NAV3: variants seen among roughly 807,000 people sequenced by gnomAD.
The protein encoded by NAV3 is pore membrane and/or filament interacting like protein 1.
Under a neutral mutation model 244.7 loss-of-function variants are expected in NAV3, and 87 were observed. The ratio of observed to expected loss-of-function variants is 0.36; its 90% CI spans 0.30 to 0.42. The LOEUF (loss-of-function observed/expected upper bound fraction) is 0.42. Ranked by LOEUF, NAV3 falls within the 20% of genes least tolerant of loss-of-function variation. NAV3 has a pLI of 1.00. For missense variants in NAV3, 2,663 were observed against 2,893.3 expected (o/e 0.92, Z 1.83); for synonymous variants, 1,126 against 1,042.2 (o/e 1.08, Z -1.55).
chr12:77,768,176 C>T (rs1480983488), intron 2 of NAV3, among the ~76,000 whole-genome samples: 1 of 152,128 alleles, frequency 6.6e-6, no homozygotes, highest in East Asian at 1.9e-4. Flanking sequence ...GAAGGAAGTA[C>T]ATGCTGATTT....
chr12:77,896,324 A>C (rs1884629526), intron 1 of NAV3, among the ~76,000 whole-genome samples: 1 of 152,216 alleles, frequency 6.6e-6, no homozygotes, highest in South Asian at 2.1e-4. Flanking sequence ...AAAGGATCCC[A>C]AACTAGGGCT....
chr12:77,831,496 AGCCAG>A lies in NAV3; in HGVS notation c.36_40del (p.Gln12HisfsTer33). The A allele has an allele frequency of 6.2e-7, 1 of 1,611,030 alleles. No homozygotes were observed. The highest frequency in any genetic ancestry group is 1.1e-5 in the South Asian group (1 of 90,138). On this transcript the variant is annotated frameshift_variant, in exon 1 of 40. Transcript: ENST00000397909. LOFTEE classifies it high-confidence loss of function. ...CTTGGGGTTGCCTCAAAACTGAGGC[AGCCAG>A]CTGTTGGGTCAAAGCCTGTGCATAC...
intron 12 of NAV3, among the ~76,000 whole-genome samples, chr12:78,115,749 A>G (rs1427167000): frequency 6.6e-6 from 1 of 152,142 alleles, no homozygotes. Context: ...TGCCTGCAGT[A>G]TTCAGTACAG....
At chr12:77,771,672 C>T (rs1870094961) in intron 2 of NAV3, among the ~76,000 whole-genome samples, 1 of 151,886 alleles carries the variant, frequency 6.6e-6, no homozygotes, top group African/African-American at 2.4e-5. Context: ...GACAAAAAAC[C>T]AAACACTGCA....
intron 2 of NAV3, among the ~76,000 whole-genome samples, chr12:77,638,844 G>C (rs1872269256): frequency 6.6e-6 from 1 of 152,084 alleles, no homozygotes; most frequent in South Asian, 2.1e-4. Context: ...CTATTAGAAT[G>C]GAACTATTTG....
chr12:77,611,681 T>C (rs1870920743), intron 2 of NAV3, among the ~76,000 whole-genome samples: 1 of 151,958 alleles, frequency 6.6e-6, no homozygotes, highest in Non-Finnish European at 1.5e-5. Context: ...ATGCTATATA[T>C]ATATAACACA....
At position 78,082,317 on chromosome 12, in the gene NAV3, A is replaced by G. The variant is rs149409479; in HGVS notation, c.2636+23202A>G. ...ACATGGCTTAAGGGCACGTATTAATACACAGGCATATGCATTATATTTTCA... is the reference window on the plus strand; with the variant it reads ...ACATGGCTTAAGGGCACGTATTAATGCACAGGCATATGCATTATATTTTCA... On this transcript the variant is annotated intron_variant, in intron 12 of 39. Transcript: ENST00000397909. Among the ~76,000 whole-genome samples the G allele has an allele frequency of 3.9e-5, 6 of 152,336 alleles. No homozygotes were observed. In the East Asian group the frequency reaches 9.6e-4, roughly 24 times the overall value.
chr12:77,760,436 A>G (rs1307788270), intron 2 of NAV3, among the ~76,000 whole-genome samples: 1 of 152,202 alleles, frequency 6.6e-6, no homozygotes, highest in East Asian at 1.9e-4. Flanking sequence ...AAGCTGCATT[A>G]GCATCTCTAA....
At chr12:78,176,835 A>G (rs1427148027) in intron 26 of NAV3, among the ~76,000 whole-genome samples, 2 of 152,132 alleles carry the variant, frequency 1.3e-5, no homozygotes, top group Non-Finnish European at 2.9e-5. Flanking sequence ...AGAGAGAAGC[A>G]TTGGGAATGG....
intron 2 of NAV3, among the ~76,000 whole-genome samples, chr12:77,736,424 G>C (rs1337172995): frequency 6.6e-6 from 1 of 152,160 alleles, no homozygotes; most frequent in African/African-American, 2.4e-5. Context: ...TCTTATGTCG[G>C]TCTTGCTGGT....
At chr12:77,657,690 T>C (rs1276086787) in intron 2 of NAV3, among the ~76,000 whole-genome samples, 1 of 152,186 alleles carries the variant, frequency 6.6e-6, no homozygotes, top group African/African-American at 2.4e-5. Flanking sequence ...TTGATGAACA[T>C]TGATGCAAAA....
chr12:77,684,368 T>C (rs1007816106), intron 2 of NAV3, among the ~76,000 whole-genome samples: 1 of 152,174 alleles, frequency 6.6e-6, no homozygotes, highest in Non-Finnish European at 1.5e-5. Flanking sequence ...TGCCTCTTTC[T>C]TCATTTCTCT....
At chr12:77,635,572 T>G (rs1216846433) in intron 2 of NAV3, among the ~76,000 whole-genome samples, 1 of 152,178 alleles carries the variant, frequency 6.6e-6, no homozygotes, top group East Asian at 1.9e-4. Context: ...ATGTCTTAAG[T>G]CTTCATAACA....
intron 27 of NAV3, 140 bp from the exon 28 acceptor site, chr12:78,177,480 C>A: frequency 1.8e-6 from 2 of 1,122,866 alleles, no homozygotes; most frequent in East Asian, 5.1e-5. Flanking sequence ...TGGTTTCTTT[C>A]ATTTTCATTT....
intron 2 of NAV3, among the ~76,000 whole-genome samples, chr12:77,658,424 G>T (rs1382002849): frequency 2.0e-5 from 3 of 148,320 alleles, no homozygotes; most frequent in African/African-American, 7.5e-5. Context: ...CCTCTTCAAG[G>T]AGAACTACAA....
At chr12:77,873,365 T>G (rs1881278498) in intron 1 of NAV3, among the ~76,000 whole-genome samples, 1 of 152,090 alleles carries the variant, frequency 6.6e-6, no homozygotes. Flanking sequence ...ATCTTATTGT[T>G]ACTTTGTAAC....
chr12:77,797,116 A>C (rs1373713334), intron 2 of NAV3, among the ~76,000 whole-genome samples: 1 of 152,222 alleles, frequency 6.6e-6, no homozygotes, highest in Non-Finnish European at 1.5e-5. Flanking sequence ...ATGGGTGTAC[A>C]ATGCCTACCA....
chr12:77,986,009 C>G (rs2136306661), intron 5 of NAV3, among the ~76,000 whole-genome samples: 1 of 152,202 alleles, frequency 6.6e-6, no homozygotes, highest in African/African-American at 2.4e-5. Context: ...ATACCAAATT[C>G]CTTAGCAAAT....
chr12:78,140,241 C>G (rs1221637809), intron 19 of NAV3, 41 bp from the exon 20 acceptor site: 1 of 1,567,808 alleles, frequency 6.4e-7, no homozygotes, highest in Non-Finnish European at 8.8e-7. Flanking sequence ...TTTGAGTAGA[C>G]CTTATTGTTT....
Sources: gnomAD v4.1 joint callset for allele counts (sites outside exome capture counted in the v4.1 genomes callset) on GRCh38, gnomAD v4.1.1 for gene constraint, MANE v1.5 for transcripts, NCBI Gene and HGNC (gene_info 2026-07-23, HGNC 2026-07-21) for gene names.